Variants in FGGY observed in about 807,000 individuals in gnomAD.
The protein encoded by FGGY is FGGY carbohydrate kinase domain containing, also known as FGGY carbohydrate kinase domain-containing protein.
In FGGY, 72 loss-of-function variants were observed where a neutral mutation model predicts 71.3. The ratio of observed to expected loss-of-function variants is 1.01; its 90% CI spans 0.84 to 1.23. The LOEUF (loss-of-function observed/expected upper bound fraction) is 1.23, where lower values mean the gene tolerates loss of function less well. Among genes scored for constraint, FGGY ranks in the 50% most tolerant of loss-of-function variants. The probability of loss-of-function intolerance (pLI) is 0.00; values close to 1 mark genes in which losing one functional copy is unlikely to be tolerated. For synonymous variants in FGGY, 251 were observed against 250.3 expected (o/e 1.00, Z -0.02); for missense variants, 668 against 682.3 (o/e 0.98, Z 0.23).
chr1:59,760,426 A>G (rs2098331800), intron 15 of FGGY, among the ~76,000 whole-genome samples: 1 of 152,246 alleles, frequency 6.6e-6, no homozygotes, highest in South Asian at 2.1e-4. Context: ...CATGTGATTC[A>G]GGAATTGTAT....
chr1:59,576,987 A>G (rs773545760), intron 8 of FGGY, among the ~76,000 whole-genome samples: 5 of 152,164 alleles, frequency 3.3e-5, no homozygotes, highest in Non-Finnish European at 7.4e-5. Flanking sequence ...TATCCATTCA[A>G]TGAATGAATG....
At chr1:59,611,357 G>C (rs867635385) in intron 9 of FGGY, among the ~76,000 whole-genome samples, 1 of 152,128 alleles carries the variant, frequency 6.6e-6, no homozygotes, top group South Asian at 2.1e-4. Flanking sequence ...TGCAATATTT[G>C]CTGTTCTGCA....
intron 14 of FGGY, among the ~76,000 whole-genome samples, chr1:59,725,974 A>T (rs953882127): frequency 1.6e-4 from 24 of 152,242 alleles, no homozygotes; most frequent in Admixed American, 3.9e-4. Flanking sequence ...GTGAGAAAGG[A>T]CATTCTTGCT....
At chr1:59,372,744 G>C (rs982880058) in intron 4 of FGGY, among the ~76,000 whole-genome samples, 1 of 152,156 alleles carries the variant, frequency 6.6e-6, no homozygotes, top group Non-Finnish European at 1.5e-5. Flanking sequence ...GGGATGTAAG[G>C]CTGGTCCAAT....
At chr1:59,607,782 A>G (rs1405542629) in intron 8 of FGGY, 21 bp from the exon 9 acceptor site, 1 of 1,592,600 alleles carries the variant, frequency 6.3e-7, no homozygotes, top group Admixed American at 1.7e-5. Context: ...GTTTTCACAT[A>G]TTTTCCATCT....
intron 6 of FGGY, among the ~76,000 whole-genome samples, chr1:59,461,810 G>C (rs1044864275): frequency 4.0e-5 from 6 of 151,562 alleles, no homozygotes; most frequent in Non-Finnish European, 8.8e-5. Flanking sequence ...TTATTTTATT[G>C]TATTTTATTT....
At chr1:59,668,295 G>A (rs535126212) in intron 13 of FGGY, among the ~76,000 whole-genome samples, 1 of 152,186 alleles carries the variant, frequency 6.6e-6, no homozygotes, top group Admixed American at 6.5e-5. Flanking sequence ...TGTCTCCTGG[G>A]GACTGGAGAC....
chr1:59,653,227 A>G (rs1312937439), intron 11 of FGGY, among the ~76,000 whole-genome samples: 1 of 152,268 alleles, frequency 6.6e-6, no homozygotes, highest in African/African-American at 2.4e-5. Context: ...CCCTGCCCCC[A>G]GAGGTGGAGC....
At chr1:59,716,259 T>C (rs1361501968) in intron 14 of FGGY, among the ~76,000 whole-genome samples, 1 of 152,180 alleles carries the variant, frequency 6.6e-6, no homozygotes, top group African/African-American at 2.4e-5. Context: ...TTAATACATC[T>C]GTTTTATTAG....
intron 14 of FGGY, among the ~76,000 whole-genome samples, chr1:59,745,574 A>T (rs1180995536): frequency 6.6e-6 from 1 of 152,192 alleles, no homozygotes; most frequent in Non-Finnish European, 1.5e-5. Context: ...ATGATATTTC[A>T]CTTTCTTGAG....
intron 10 of FGGY, among the ~76,000 whole-genome samples, chr1:59,627,489 T>TATATATACACAC (rs1469493501): frequency 1.7e-4 from 16 of 92,778 alleles, no homozygotes; most frequent in East Asian, 1.5e-3. Flanking sequence ...TATATATATA[T>TATATATACACAC]ACACACACAC....
In FGGY at chr1:59,394,468, G is replaced by A. The variant is rs143822940; in HGVS notation, c.554+15631G>A. Reference sequence around the variant, plus strand: ...GGACTTATTGTGTGACCTTGAGCACGTTACATACCATTTCTGCACTTCATT... The same window carrying A: ...GGACTTATTGTGTGACCTTGAGCACATTACATACCATTTCTGCACTTCATT... On this transcript the variant is annotated intron_variant, in intron 5 of 15. Coordinates refer to ENST00000303721, the MANE Select transcript of FGGY (RefSeq NM_018291.5). 5.1e-3 allele frequency among the ~76,000 whole-genome samples: 780 copies of A among 152,240 alleles called. 5 individuals carry two copies. The highest frequency in any genetic ancestry group is 0.018 in the African/African-American group (757 of 41,550).
At chr1:59,605,818 G>A (rs1313804291) in intron 8 of FGGY, among the ~76,000 whole-genome samples, 2 of 152,086 alleles carry the variant, frequency 1.3e-5, no homozygotes, top group African/African-American at 2.4e-5. Context: ...AATCACTTCT[G>A]TATCCTCTGG....
chr1:59,592,033 C>T (rs1287168424), intron 8 of FGGY, among the ~76,000 whole-genome samples: 2 of 152,166 alleles, frequency 1.3e-5, no homozygotes, highest in Admixed American at 6.5e-5. Context: ...TTTTCGCAAC[C>T]TACTCATCTG....
At chr1:59,529,813 TA>T (rs937577216) in intron 7 of FGGY, among the ~76,000 whole-genome samples, 1 of 152,190 alleles carries the variant, frequency 6.6e-6, no homozygotes, top group Non-Finnish European at 1.5e-5. Flanking sequence ...TTTCCTGAAA[TA>T]GGTTTTGGCA....
intron 14 of FGGY, among the ~76,000 whole-genome samples, chr1:59,743,019 C>T (rs2098163585): frequency 6.6e-6 from 1 of 152,182 alleles, no homozygotes; most frequent in African/African-American, 2.4e-5. Context: ...TCTCCAGTGG[C>T]TTCTCCTTGA....
At chr1:59,602,926 GTAGTAA>G (rs953426458) in intron 8 of FGGY, among the ~76,000 whole-genome samples, 108 of 152,276 alleles carry the variant, frequency 7.1e-4, no homozygotes, top group African/African-American at 2.5e-3. Context: ...ATTAGTAGTA[GTAGTAA>G]TAGTAATAGT....
chr1:59,591,438 A>G (rs2096434366), intron 8 of FGGY, among the ~76,000 whole-genome samples: 1 of 152,196 alleles, frequency 6.6e-6, no homozygotes, highest in African/African-American at 2.4e-5. Flanking sequence ...GGAAAAAACT[A>G]CTTTAAACTT....
At chr1:59,504,683 G>C (rs902086326) in intron 6 of FGGY, among the ~76,000 whole-genome samples, 3 of 152,118 alleles carry the variant, frequency 2.0e-5, no homozygotes, top group Non-Finnish European at 4.4e-5. Context: ...TAATAAGATA[G>C]AGAGATGAAA....
Sources: allele counts gnomAD v4.1 joint callset (sites outside exome capture counted in the v4.1 genomes callset), GRCh38; gene constraint gnomAD v4.1.1; transcripts MANE v1.5; gene names NCBI Gene and HGNC (gene_info 2026-07-23, HGNC 2026-07-21).